The following PPP2R3A variants were observed in gnomAD, a reference collection of about 807,000 sequenced individuals.
PPP2R3A encodes the protein serine/threonine-protein phosphatase 2A regulatory subunit B'' subunit alpha.
PPP2R3A carries 80 observed loss-of-function variants against 106.9 expected under a neutral mutation model. The observed-to-expected ratio is 0.75, with a 90% CI of 0.62 to 0.90. The LOEUF (loss-of-function observed/expected upper bound fraction) is 0.90, where lower values mean the gene tolerates loss of function less well. Ranked by LOEUF, PPP2R3A falls within the 40% of genes least tolerant of loss-of-function variation. The probability of loss-of-function intolerance (pLI) is 0.00; values close to 1 mark genes in which losing one functional copy is unlikely to be tolerated. For synonymous variants in PPP2R3A, 483 were observed against 468.3 expected, an observed-to-expected ratio of 1.03 and a Z score of -0.41; for missense variants, 1,386 against 1,350.4, an observed-to-expected ratio of 1.03 and a Z score of -0.41.
chr3:136,059,601 A>G (rs1936007058), intron 5 of PPP2R3A, among the ~76,000 whole-genome samples: 2 of 152,216 alleles, frequency 1.3e-5, no homozygotes, highest in South Asian at 4.1e-4. Flanking sequence ...TAGAAATACC[A>G]TTTGACCCAG....
intron 2 of PPP2R3A, among the ~76,000 whole-genome samples, chr3:136,016,822 A>G (rs1316684718): frequency 6.6e-6 from 1 of 152,076 alleles, no homozygotes; most frequent in Non-Finnish European, 1.5e-5. Flanking sequence ...CAACATTACT[A>G]TTGCCATGTG....
chr3:136,061,982 A>G (rs1231009152), intron 5 of PPP2R3A, among the ~76,000 whole-genome samples: 6 of 152,118 alleles, frequency 3.9e-5, no homozygotes, highest in African/African-American at 1.4e-4. Context: ...TCTTTAAGAC[A>G]CATGCATAAA....
At chr3:136,132,366 C>G (rs913599400) in intron 13 of PPP2R3A, among the ~76,000 whole-genome samples, 2 of 152,024 alleles carry the variant, frequency 1.3e-5, no homozygotes, top group Non-Finnish European at 2.9e-5. Flanking sequence ...AAATTGAAAA[C>G]TAAGGAATCT....
intron 5 of PPP2R3A, among the ~76,000 whole-genome samples, chr3:136,058,072 C>G (rs1935937824): frequency 6.6e-6 from 1 of 151,954 alleles, no homozygotes; most frequent in African/African-American, 2.4e-5. Context: ...GGAGGCATAA[C>G]AAAAATGTGA....
At chr3:136,138,648 A>G (rs1365465577) in intron 13 of PPP2R3A, among the ~76,000 whole-genome samples, 1 of 142,564 alleles carries the variant, frequency 7.0e-6, no homozygotes, top group East Asian at 2.2e-4. Context: ...TAAATCACAC[A>G]CTTGTATTTC....
intron 3 of PPP2R3A, among the ~76,000 whole-genome samples, chr3:136,030,782 G>A (rs13059615): frequency 0.38 from 29,440 of 78,082 alleles, 4,162 homozygotes; most frequent in Non-Finnish European, 0.41. Context: ...ATATATATAT[G>A]TATGTATGTA....
At chr3:136,129,325 T>TA (rs1198545060) in intron 13 of PPP2R3A, among the ~76,000 whole-genome samples, 7 of 151,708 alleles carry the variant, frequency 4.6e-5, no homozygotes, top group African/African-American at 1.7e-4. Flanking sequence ...TAAAAAATGA[T>TA]AAAGGGGATA....
At chr3:136,063,972 G>C (rs1254112746) in intron 5 of PPP2R3A, among the ~76,000 whole-genome samples, 6 of 150,796 alleles carry the variant, frequency 4.0e-5, no homozygotes, top group African/African-American at 7.4e-5. Flanking sequence ...GCACATGTAT[G>C]TTTATTGCGG....
intron 5 of PPP2R3A, among the ~76,000 whole-genome samples, chr3:136,060,128 C>A (rs1419106826): frequency 6.6e-6 from 1 of 152,090 alleles, no homozygotes; most frequent in Non-Finnish European, 1.5e-5. Context: ...AGCACCCGAA[C>A]TTAAAACTTA....
chr3:135,997,893 G>A (rs1465511713), intron 1 of PPP2R3A, among the ~76,000 whole-genome samples: 2 of 152,100 alleles, frequency 1.3e-5, no homozygotes, highest in Admixed American at 6.6e-5. Context: ...CGATTTCTAG[G>A]TCTTCAGTCT....
At chr3:136,086,499 T>C (rs1194279134) in intron 8 of PPP2R3A, among the ~76,000 whole-genome samples, 1 of 152,042 alleles carries the variant, frequency 6.6e-6, no homozygotes, top group Non-Finnish European at 1.5e-5. Context: ...TCCATAATTA[T>C]CCACTCACCA....
At chr3:135,992,237 A>G (rs1300440954) in intron 1 of PPP2R3A, among the ~76,000 whole-genome samples, 1 of 152,170 alleles carries the variant, frequency 6.6e-6, no homozygotes, top group African/African-American at 2.4e-5. Flanking sequence ...TTTTCCAGGC[A>G]AAGTAATAGT....
intron 13 of PPP2R3A, among the ~76,000 whole-genome samples, chr3:136,138,522 G>A (rs1421001440): frequency 6.6e-6 from 1 of 151,924 alleles, no homozygotes; most frequent in African/African-American, 2.4e-5. Context: ...AGATTTTCTG[G>A]TCACTGGATG....
intron 1 of PPP2R3A, among the ~76,000 whole-genome samples, chr3:135,991,674 T>C (rs1013276389): frequency 6.6e-6 from 1 of 152,200 alleles, no homozygotes; most frequent in Non-Finnish European, 1.5e-5. Flanking sequence ...TCATGTTCCC[T>C]AGACCCCAGA....
At chr3:136,119,943 T>C (rs973369859) in intron 13 of PPP2R3A, among the ~76,000 whole-genome samples, 1 of 152,136 alleles carries the variant, frequency 6.6e-6, no homozygotes, top group Non-Finnish European at 1.5e-5. Context: ...AGCAAAGACT[T>C]GGAACCAACC....
chr3:135,997,798 G>C (rs1383595285), intron 1 of PPP2R3A, among the ~76,000 whole-genome samples: 1 of 152,116 alleles, frequency 6.6e-6, no homozygotes, highest in Non-Finnish European at 1.5e-5. Context: ...GGGCTAATCA[G>C]TGCCCTCCTC....
intron 3 of PPP2R3A, among the ~76,000 whole-genome samples, chr3:136,032,009 A>G (rs1450542670): frequency 1.3e-5 from 2 of 152,122 alleles, no homozygotes; most frequent in Admixed American, 6.5e-5. Context: ...TTCTATATGA[A>G]TTTTAGAATT....
chr3:136,146,757 C>G lies in PPP2R3A; in HGVS notation c.*1591C>G, dbSNP rs573615902. On this transcript the variant is annotated 3_prime_UTR_variant, in exon 14 of 14. Coordinates refer to ENST00000264977, the MANE Select transcript of PPP2R3A (RefSeq NM_002718.5). ...ACACAATATTCAAAATCTAAACACACTGATAAATTATTAAGATTAAGATTA... is the reference window on the plus strand; with the variant it reads ...ACACAATATTCAAAATCTAAACACAGTGATAAATTATTAAGATTAAGATTA... 2.1e-4 allele frequency: 32 copies of G among 151,864 alleles called. No homozygotes were observed. Among genetic ancestry groups the G allele is most frequent in the Admixed American group, 6.6e-5 (1 of 15,226 alleles). The allele number at this position is 151,864 out of a possible 1,614,324, so 9.4% of individuals were successfully genotyped here.
rs540853236 is a variant in PPP2R3A at position 136,047,777 on chromosome 3, T to A, written c.2367-1482T>A. 2.4e-3 allele frequency among the ~76,000 whole-genome samples: 362 copies of A among 151,988 alleles called. 1 individual carries two copies. Among genetic ancestry groups the A allele is most frequent in the African/African-American group, 7.7e-3 (320 of 41,476 alleles). ...AAATTTAGGCAGGTGTGGTGGCGGG[T>A]GCCTGTAGTCCCAGCTACTTGGGAG... On this transcript the variant is annotated intron_variant, in intron 4 of 13. Coordinates refer to ENST00000264977, the MANE Select transcript of PPP2R3A (RefSeq NM_002718.5).
Sources: allele counts gnomAD v4.1 joint callset (sites outside exome capture counted in the v4.1 genomes callset), GRCh38; gene constraint gnomAD v4.1.1; transcripts MANE v1.5; gene names NCBI Gene and HGNC (gene_info 2026-07-23, HGNC 2026-07-21).